GRID2: variants seen among roughly 807,000 people sequenced by gnomAD.
GRID2 encodes the protein glutamate receptor ionotropic, delta-2.
A neutral mutation model predicts 114.8 loss-of-function variants in GRID2; 33 were observed. The observed-to-expected ratio is 0.29, with a 90% CI of 0.22 to 0.38. The LOEUF (loss-of-function observed/expected upper bound fraction) is 0.38, where lower values mean the gene tolerates loss of function less well. Among genes scored for constraint, GRID2 ranks in the 10% least tolerant of loss-of-function variants. The pLI is 1.00. For missense variants in GRID2, 1,184 were observed against 1,257.7 expected, an observed-to-expected ratio of 0.94 and a Z score of 0.89; for synonymous variants, 505 against 449.9, an observed-to-expected ratio of 1.12 and a Z score of -1.55.
chr4:93,385,293 G>A (rs1026806742), intron 8 of GRID2, among the ~76,000 whole-genome samples: 1 of 152,178 alleles, frequency 6.6e-6, no homozygotes, highest in African/African-American at 2.4e-5. Flanking sequence ...ACCTGAATAA[G>A]AAACCCTCTC....
intron 2 of GRID2, among the ~76,000 whole-genome samples, chr4:92,835,545 A>T (rs1023511261): frequency 4.6e-5 from 7 of 152,166 alleles, no homozygotes; most frequent in African/African-American, 1.4e-4. Flanking sequence ...TGCCTTCTAC[A>T]TCAGAATTGC....
chr4:92,678,139 T>G (rs1733471571), intron 2 of GRID2, among the ~76,000 whole-genome samples: 1 of 152,118 alleles, frequency 6.6e-6, no homozygotes, highest in South Asian at 2.1e-4. Flanking sequence ...TTATTCAAAT[T>G]TTACCTTTTT....
chr4:92,735,967 G>T (rs1203246660), intron 2 of GRID2, among the ~76,000 whole-genome samples: 2 of 151,948 alleles, frequency 1.3e-5, no homozygotes, highest in Non-Finnish European at 2.9e-5. Flanking sequence ...CTGAAGAAAG[G>T]TTCACGTGGT....
chr4:93,349,404 G>A (rs1760569015), intron 8 of GRID2, among the ~76,000 whole-genome samples: 1 of 151,838 alleles, frequency 6.6e-6, no homozygotes, highest in Non-Finnish European at 1.5e-5. Flanking sequence ...TGAATGAAAT[G>A]ATTAATAATT....
intron 2 of GRID2, among the ~76,000 whole-genome samples, chr4:92,819,677 G>C (rs774921701): frequency 8.5e-5 from 13 of 152,072 alleles, no homozygotes; most frequent in Non-Finnish European, 1.6e-4. Flanking sequence ...GGAAATATTT[G>C]ACTACCAACT....
At chr4:93,056,791 G>A (rs1560833879) in intron 2 of GRID2, among the ~76,000 whole-genome samples, 1 of 151,864 alleles carries the variant, frequency 6.6e-6, no homozygotes, top group African/African-American at 2.4e-5. Context: ...TTGCCCTCAA[G>A]TTTCTCACCT....
chr4:92,532,421 G>A (rs780384316), intron 1 of GRID2, among the ~76,000 whole-genome samples: 4 of 152,094 alleles, frequency 2.6e-5, no homozygotes, highest in African/African-American at 9.7e-5. Context: ...TCTCCTTGTC[G>A]GGGATTTACT....
intron 8 of GRID2, among the ~76,000 whole-genome samples, chr4:93,242,226 G>A (rs377163090): frequency 6.6e-6 from 1 of 151,916 alleles, no homozygotes; most frequent in Non-Finnish European, 1.5e-5. Flanking sequence ...GCAATAATGA[G>A]ACTGGAGGTT....
At chr4:92,941,961 C>T (rs931782959) in intron 2 of GRID2, among the ~76,000 whole-genome samples, 2 of 152,108 alleles carry the variant, frequency 1.3e-5, no homozygotes, top group Non-Finnish European at 2.9e-5. Flanking sequence ...TGTTCTTTTA[C>T]ATTTGCTGAG....
chr4:92,497,411 C>T (rs778428632), intron 1 of GRID2, among the ~76,000 whole-genome samples: 1 of 151,680 alleles, frequency 6.6e-6, no homozygotes, highest in Non-Finnish European at 1.5e-5. Flanking sequence ...AAACAAGAAG[C>T]TAGATGTTGT....
chr4:93,743,705 G>A (rs1048154005), intron 14 of GRID2, among the ~76,000 whole-genome samples: 4 of 152,130 alleles, frequency 2.6e-5, no homozygotes, highest in Non-Finnish European at 5.9e-5. Context: ...CCCCAAGGAA[G>A]GGCATTAATT....
At chr4:93,626,993 T>C (rs1265962295) in intron 14 of GRID2, among the ~76,000 whole-genome samples, 3 of 152,202 alleles carry the variant, frequency 2.0e-5, no homozygotes, top group Admixed American at 6.5e-5. Context: ...AGACATTATA[T>C]CCATTTTCAA....
chr4:93,566,522 C>T (rs1030674170), intron 13 of GRID2, among the ~76,000 whole-genome samples: 3 of 152,122 alleles, frequency 2.0e-5, no homozygotes, highest in African/African-American at 7.2e-5. Context: ...GTAATCCCAA[C>T]ACTTTGCAAG....
intron 1 of GRID2, among the ~76,000 whole-genome samples, chr4:92,313,685 T>A (rs1725825432): frequency 6.6e-6 from 1 of 151,996 alleles, no homozygotes; most frequent in Non-Finnish European, 1.5e-5. Context: ...GGAAGCCATG[T>A]GAGAAAAGTA....
chr4:93,165,734 A>G (rs11733088), intron 4 of GRID2, among the ~76,000 whole-genome samples: 8,599 of 152,194 alleles, frequency 0.057, 682 homozygotes, highest in African/African-American at 0.18. Context: ...ACATAAATGA[A>G]CATTCCATAA....
chr4:93,385,048 T>A (rs1242535683), intron 8 of GRID2, among the ~76,000 whole-genome samples: 1 of 152,208 alleles, frequency 6.6e-6, no homozygotes, highest in Non-Finnish European at 1.5e-5. Context: ...ATAAAAATTC[T>A]CTTCAAAGTT....
intron 1 of GRID2, among the ~76,000 whole-genome samples, chr4:92,555,184 T>C (rs1726791367): frequency 6.6e-6 from 1 of 151,992 alleles, no homozygotes; most frequent in Non-Finnish European, 1.5e-5. Context: ...ATCTGTAGGG[T>C]ATGGAAGGCA....
intron 2 of GRID2, among the ~76,000 whole-genome samples, chr4:93,020,901 G>A (rs1263197385): frequency 6.6e-6 from 1 of 151,824 alleles, no homozygotes; most frequent in Non-Finnish European, 1.5e-5. Flanking sequence ...GCATGGTGGC[G>A]GGCACCTGTA....
In GRID2 at chr4:92,895,405, A is replaced by ATATATATATATATATATATAT. The variant is rs1560677408; in HGVS notation, c.245-189590_245-189589insTATATATATATATATATATAT. On this transcript the variant is annotated intron_variant, in intron 2 of 15. Transcript: ENST00000282020. ...AAAACATATATATATATATATATATAAACTGAAAGATGTTTAGCTTACAAG... is the reference window on the plus strand; with the variant it reads ...AAAACATATATATATATATATATATATATATATATATATATATATATAACTGAAAGATGTTTAGCTTACAAG... Among the ~76,000 whole-genome samples, 70 of 145,978 alleles carry ATATATATATATATATATATAT rather than the reference A, an allele frequency of 4.8e-4. 1 individual carries two copies. The highest frequency in any genetic ancestry group is 8.6e-4 in the African/African-American group (33 of 38,414).
Sources: gnomAD v4.1 joint callset for allele counts (sites outside exome capture counted in the v4.1 genomes callset) on GRCh38, gnomAD v4.1.1 for gene constraint, MANE v1.5 for transcripts, NCBI Gene and HGNC (gene_info 2026-07-23, HGNC 2026-07-21) for gene names.